The following CRPPA variants were observed in gnomAD, a reference collection of about 807,000 sequenced individuals.
CRPPA encodes CDP-L-ribitol pyrophosphorylase A.
Under a neutral mutation model 52.0 loss-of-function variants are expected in CRPPA, and 43 were observed. The observed-to-expected ratio is 0.83, with a 90% CI of 0.65 to 1.07. CRPPA has a LOEUF of 1.07. Ranked by LOEUF, CRPPA falls within the 50% of genes least tolerant of loss-of-function variation. The probability of loss-of-function intolerance (pLI) is 0.00; values close to 1 mark genes in which losing one functional copy is unlikely to be tolerated. For missense variants in CRPPA, 629 were observed against 551.7 expected, an observed-to-expected ratio of 1.14 and a Z score of -1.40; for synonymous variants, 250 against 203.5, an observed-to-expected ratio of 1.23 and a Z score of -1.94.
At chr7:16,396,832 C>G (rs1185844117) in intron 2 of CRPPA, among the ~76,000 whole-genome samples, 3 of 152,182 alleles carry the variant, frequency 2.0e-5, no homozygotes, top group African/African-American at 7.2e-5. Context: ...ATGGAATACG[C>G]TATACGTATG....
intron 1 of CRPPA, among the ~76,000 whole-genome samples, chr7:16,409,554 C>G (rs1272368164): frequency 6.6e-6 from 1 of 152,116 alleles, no homozygotes; most frequent in Non-Finnish European, 1.5e-5. Context: ...TAGAGATAGT[C>G]TATTCTAGAA....
At chr7:16,400,255 C>A (rs952217966) in intron 2 of CRPPA, among the ~76,000 whole-genome samples, 1 of 152,208 alleles carries the variant, frequency 6.6e-6, no homozygotes, top group Admixed American at 6.5e-5. Context: ...ATGATCAACA[C>A]GTGATTGTCA....
intron 1 of CRPPA, among the ~76,000 whole-genome samples, chr7:16,414,124 T>C (rs1180656088): frequency 1.3e-5 from 2 of 152,158 alleles, no homozygotes; most frequent in African/African-American, 4.8e-5. Context: ...AGGAAAGTTA[T>C]CTTAAGCATT....
intron 9 of CRPPA, among the ~76,000 whole-genome samples, chr7:16,128,246 A>G (rs1396542181): frequency 6.6e-6 from 1 of 152,178 alleles, no homozygotes; most frequent in African/African-American, 2.4e-5. Context: ...GCAAACCTGC[A>G]TATGTACCCT....
intron 9 of CRPPA, among the ~76,000 whole-genome samples, chr7:16,095,702 C>A (rs1781922301): frequency 1.3e-5 from 2 of 152,084 alleles, no homozygotes; most frequent in Admixed American, 6.6e-5. Context: ...AGAAACAGAA[C>A]CCAAGGAGAG....
intron 9 of CRPPA, among the ~76,000 whole-genome samples, chr7:16,094,833 C>G (rs575365100): frequency 1.1e-4 from 16 of 152,032 alleles, no homozygotes; most frequent in African/African-American, 3.4e-4. Context: ...ATATACCTGA[C>G]AAGTGCTCCT....
chr7:16,216,923 C>G (rs1330891037), intron 8 of CRPPA, among the ~76,000 whole-genome samples: 2 of 152,088 alleles, frequency 1.3e-5, no homozygotes, highest in East Asian at 1.9e-4. Flanking sequence ...GAAGCTCCAA[C>G]TGGGTGGAGC....
chr7:16,406,581 G>A (rs961271863), intron 1 of CRPPA, among the ~76,000 whole-genome samples: 2 of 152,178 alleles, frequency 1.3e-5, no homozygotes, highest in Non-Finnish European at 2.9e-5. Context: ...ACATGATATA[G>A]TAAATGTACA....
Position 16,222,897 on chromosome 7 carries a change from T to C in CRPPA, c.1120-6700A>G, listed in dbSNP as rs114793728. Among the ~76,000 whole-genome samples, 1,448 of 152,328 alleles carry C rather than the reference T, an allele frequency of 9.5e-3. 24 individuals carry two copies. The highest frequency in any genetic ancestry group is 0.032 in the African/African-American group (1,338 of 41,558). On this transcript the variant is annotated intron_variant, in intron 8 of 9. Transcript: ENST00000407010. ...AGAATGTGTATTGATCAAGTCAGTA[T>C]ATCTAGGCTGACCATCATCTTGAAC...
intron 3 of CRPPA, among the ~76,000 whole-genome samples, chr7:16,363,081 A>T (rs1003967771): frequency 6.6e-6 from 1 of 152,222 alleles, no homozygotes. Context: ...CCATTATGGA[A>T]ATTGAAATGT....
intron 9 of CRPPA, among the ~76,000 whole-genome samples, chr7:16,154,861 G>A (rs1041555793): frequency 6.0e-5 from 9 of 149,368 alleles, no homozygotes; most frequent in African/African-American, 7.4e-5. Context: ...AGGCTGGAGC[G>A]CAGTGGCACA....
rs1040369794 is a variant in CRPPA at position 16,326,912 on chromosome 7, A to G, written c.685-18285T>C. 3.9e-5 allele frequency among the ~76,000 whole-genome samples: 6 copies of G among 152,116 alleles called. 1 individual carries two copies. Among genetic ancestry groups the G allele is most frequent in the Middle Eastern group, 6.4e-3 (2 of 314 alleles). On this transcript the variant is annotated intron_variant, in intron 3 of 9. Transcript: ENST00000407010. ...AATACTATCAAATCACAAAAATGCT[A>G]TTTGTATTTTCACTAGCCAGTACTC...
At chr7:16,375,122 C>G (rs897297253) in intron 3 of CRPPA, among the ~76,000 whole-genome samples, 2 of 152,168 alleles carry the variant, frequency 1.3e-5, no homozygotes, top group African/African-American at 4.8e-5. Flanking sequence ...TGCACACCTC[C>G]TTTTACTTTG....
intron 9 of CRPPA, among the ~76,000 whole-genome samples, chr7:16,182,617 CTCT>C (rs1781432991): frequency 6.6e-6 from 1 of 152,120 alleles, no homozygotes; most frequent in Non-Finnish European, 1.5e-5. Flanking sequence ...CTACACAATC[CTCT>C]TATTATAATA....
intron 8 of CRPPA, among the ~76,000 whole-genome samples, chr7:16,241,202 TTTTTA>T (rs1783097721): frequency 6.6e-6 from 1 of 152,168 alleles, no homozygotes; most frequent in Non-Finnish European, 1.5e-5. Context: ...TTCTTTTCTT[TTTTTA>T]ATTTGCTGAC....
chr7:16,215,995 T>C, intron 9 of CRPPA, 71 bp downstream of exon 9: 2 of 1,207,484 alleles, frequency 1.7e-6, no homozygotes, highest in Non-Finnish European at 1.2e-6. Flanking sequence ...CTCCTGCTTT[T>C]AACAAATCAG....
At chr7:16,117,262 C>G (rs889395024) in intron 9 of CRPPA, among the ~76,000 whole-genome samples, 1 of 152,130 alleles carries the variant, frequency 6.6e-6, no homozygotes, top group African/African-American at 2.4e-5. Flanking sequence ...TCAAGTGAAA[C>G]CAGGTAGTGT....
chr7:16,114,571 G>A (rs1170829556), intron 9 of CRPPA, among the ~76,000 whole-genome samples: 5 of 151,900 alleles, frequency 3.3e-5, no homozygotes, highest in Admixed American at 6.6e-5. Context: ...ATACTAAAAC[G>A]TGTGAATAAC....
At chr7:16,369,491 G>T (rs1195774042) in intron 3 of CRPPA, among the ~76,000 whole-genome samples, 1 of 152,140 alleles carries the variant, frequency 6.6e-6, no homozygotes, top group Non-Finnish European at 1.5e-5. Flanking sequence ...CTTCCTTGTT[G>T]TTTTTTCTTA....
Sources: allele counts gnomAD v4.1 joint callset (sites outside exome capture counted in the v4.1 genomes callset), GRCh38; gene constraint gnomAD v4.1.1; transcripts MANE v1.5; gene names NCBI Gene and HGNC (gene_info 2026-07-23, HGNC 2026-07-21).